GYS2: variants seen among roughly 807,000 people sequenced by gnomAD.
GYS2 encodes the protein glycogen [starch] synthase, liver.
In GYS2, 80 loss-of-function variants were observed where a neutral mutation model predicts 85.6. The ratio of observed to expected loss-of-function variants is 0.93; its 90% CI spans 0.78 to 1.13. The LOEUF is 1.13. GYS2 is among the 50% of genes most tolerant of loss of function. GYS2 has a pLI of 0.00. For synonymous variants in GYS2, 328 were observed against 300.7 expected, an observed-to-expected ratio of 1.09 and a Z score of -0.94; for missense variants, 881 against 854.9, an observed-to-expected ratio of 1.03 and a Z score of -0.38.
intron 1 of GYS2, among the ~76,000 whole-genome samples, chr12:21,584,993 T>A (rs1483387598): frequency 6.6e-6 from 1 of 152,108 alleles, no homozygotes; most frequent in African/African-American, 2.4e-5. Flanking sequence ...GCCAACTAGG[T>A]GACAATACTT....
intron 1 of GYS2, among the ~76,000 whole-genome samples, chr12:21,591,936 G>C (rs1944644033): frequency 6.6e-6 from 1 of 152,022 alleles, no homozygotes; most frequent in Non-Finnish European, 1.5e-5. Flanking sequence ...TTCTGGGCAA[G>C]AAAAATTTGA....
At chr12:21,569,336 C>T (rs1158393943) in intron 4 of GYS2, among the ~76,000 whole-genome samples, 12 of 152,154 alleles carry the variant, frequency 7.9e-5, no homozygotes, top group African/African-American at 2.4e-4. Context: ...TCTTGGAATA[C>T]TGAGCTAATG....
rs1944787815 is a variant in GYS2, at chr12:21,604,668, G to A, written c.-76C>T. The A allele has an allele frequency of 2.5e-6, 4 of 1,603,040 alleles. No homozygotes were observed. In the South Asian group the frequency reaches 4.4e-5, roughly 18 times the overall value. On this transcript the variant is annotated 5_prime_UTR_variant, in exon 1 of 16. Coordinates refer to ENST00000261195, the MANE Select transcript of GYS2 (RefSeq NM_021957.4). ...TAATCCCAGGAGAAGAGAACTTACA[G>A]GCACAAAAGTTAGAGTTGGTAGAGT... is the stretch of plus-strand genomic sequence containing the variant.
intron 5 of GYS2, among the ~76,000 whole-genome samples, chr12:21,564,782 T>C (rs1289568584): frequency 6.6e-6 from 1 of 152,194 alleles, no homozygotes; most frequent in Non-Finnish European, 1.5e-5. Flanking sequence ...ATTTGATATA[T>C]AATAATTTTT....
chr12:21,569,734 A>G (rs1944364538), intron 4 of GYS2, among the ~76,000 whole-genome samples: 2 of 152,210 alleles, frequency 1.3e-5, no homozygotes, highest in Admixed American at 1.3e-4. Flanking sequence ...AGAATATGTA[A>G]AGTTTCTGAC....
In GYS2 at chr12:21,584,108, C is replaced by T. The variant is rs1027195379; in HGVS notation, c.122-3585G>A. 6.6e-5 allele frequency among the ~76,000 whole-genome samples: 10 copies of T among 152,154 alleles called. No individual in the cohort carries two copies. The South Asian group carries it at 8.3e-4, about 13-fold the overall frequency. On this transcript the variant is annotated intron_variant, in intron 1 of 15. Transcript: ENST00000261195. The stretch of plus-strand genomic sequence containing the variant: ...CACTACAGCCCCTTTCTAGGACATC[C>T]CTGAAGGACAACGGTGAAGGGAAAT...
chr12:21,544,866 TA>T (rs1378041844), intron 12 of GYS2, among the ~76,000 whole-genome samples: 1 of 152,220 alleles, frequency 6.6e-6, no homozygotes, highest in Non-Finnish European at 1.5e-5. Flanking sequence ...AACAATAGAA[TA>T]GGACCTTATG....
At chr12:21,557,936 T>C (rs1944202962) in intron 11 of GYS2, among the ~76,000 whole-genome samples, 1 of 152,128 alleles carries the variant, frequency 6.6e-6, no homozygotes, top group African/African-American at 2.4e-5. Context: ...GTAAGTAATT[T>C]CCTTATGCTT....
rs1591790242 is a variant in GYS2 at position 21,559,813 on chromosome 12, T to C, written c.1170-103A>G. 2.8e-4 allele frequency: 60 copies of C among 218,134 alleles called. No individual in the cohort carries two copies. The South Asian group carries it at 2.9e-3, about 10-fold the overall frequency. 13.5% of individuals were successfully genotyped at this position (218,134 alleles called of 1,614,324 possible). On this transcript the variant is annotated intron_variant, in intron 8 of 15. Coordinates refer to ENST00000261195, the MANE Select transcript of GYS2 (RefSeq NM_021957.4). ...TTTGTTGACATTCTTTGAAATTACATTCTTTGAAATTACAGGTATCTTTTT... is the reference window on the plus strand; with the variant it reads ...TTTGTTGACATTCTTTGAAATTACACTCTTTGAAATTACAGGTATCTTTTT...
chr12:21,535,904 C>T (rs1447567275), downstream of GYS2, among the ~76,000 whole-genome samples: 7 of 152,250 alleles, frequency 4.6e-5, no homozygotes, highest in East Asian at 5.8e-4. Flanking sequence ...AAACATAAAT[C>T]GGCTAAATTA....
intron 10 of GYS2, 73 bp from the exon 11 acceptor site, chr12:21,558,386 C>A: frequency 1.1e-6 from 1 of 912,624 alleles, no homozygotes; most frequent in South Asian, 1.4e-5. Flanking sequence ...AACAATAGGT[C>A]ATTGACATTT....
chr12:21,569,803 G>A (rs957639695), intron 4 of GYS2, among the ~76,000 whole-genome samples: 10 of 152,178 alleles, frequency 6.6e-5, no homozygotes, highest in African/African-American at 2.4e-4. Context: ...CAGCACTAGT[G>A]TCAGGCACTC....
chr12:21,544,354 A>G (rs1259520798), intron 12 of GYS2, among the ~76,000 whole-genome samples: 2 of 152,202 alleles, frequency 1.3e-5, no homozygotes, highest in African/African-American at 4.8e-5. Flanking sequence ...TTTATCTTAA[A>G]ACAGTAGATA....
intron 1 of GYS2, among the ~76,000 whole-genome samples, chr12:21,589,606 G>C (rs756721307): frequency 6.6e-5 from 10 of 152,150 alleles, no homozygotes; most frequent in African/African-American, 9.7e-5. Flanking sequence ...AAGCAAGGAA[G>C]CCTACCCAGT....
chr12:21,586,647 G>A (rs1395617125), intron 1 of GYS2, among the ~76,000 whole-genome samples: 1 of 151,996 alleles, frequency 6.6e-6, no homozygotes, highest in East Asian at 1.9e-4. Flanking sequence ...CAGTCAGAAT[G>A]GCTATCATTA....
At chr12:21,577,992 T>A (rs1218957094) in intron 2 of GYS2, among the ~76,000 whole-genome samples, 1 of 152,184 alleles carries the variant, frequency 6.6e-6, no homozygotes, top group Non-Finnish European at 1.5e-5. Flanking sequence ...CTTGACCTTA[T>A]GGACTTAAAA....
At chr12:21,572,121 G>T (rs942588098) in intron 4 of GYS2, among the ~76,000 whole-genome samples, 22 of 152,142 alleles carry the variant, frequency 1.4e-4, no homozygotes, top group African/African-American at 5.1e-4. Context: ...AATGAATTTG[G>T]AGACATATTC....
chr12:21,537,278 C>G, intron 15 of GYS2, 103 bp from the exon 16 acceptor site: 1 of 797,368 alleles, frequency 1.3e-6, no homozygotes, highest in Non-Finnish European at 2.2e-6. Context: ...AGTTATCTAT[C>G]TTTTGTAGTC....
chr12:21,542,499 A>G lies in GYS2; in HGVS notation c.1642T>C (p.Tyr548His). The G allele has an allele frequency of 6.2e-7, 1 of 1,603,386 alleles. No homozygotes were observed. The highest frequency in any genetic ancestry group is 1.3e-5 in the African/African-American group (1 of 74,800). The stretch of plus-strand genomic sequence containing the variant: ...GGTTAATGATGAAAACCCTCACCGT[A>G]AGCAGTAGGATCAGCCACGTGCTCC... ...MQEHVADPTA[Y>H]GIYIVDRRFR... The change falls in exon 13 of 16, where the codon TAC becomes CAC. Residue 548 changes from tyrosine to histidine, a missense_variant. Coordinates refer to ENST00000261195, the MANE Select transcript of GYS2 (RefSeq NM_021957.4).
Sources: allele counts gnomAD v4.1 joint callset (sites outside exome capture counted in the v4.1 genomes callset), GRCh38; gene constraint gnomAD v4.1.1; transcripts MANE v1.5; gene names NCBI Gene and HGNC (gene_info 2026-07-23, HGNC 2026-07-21).